Variants in DOCK9 observed in about 807,000 individuals in gnomAD.
DOCK9 encodes dedicator of cytokinesis 9, also known as dedicator of cytokinesis protein 9.
Under a neutral mutation model 263.3 loss-of-function variants are expected in DOCK9, and 89 were observed. That is an observed-to-expected ratio of 0.34 (90% CI 0.28 to 0.40). The LOEUF is 0.40. DOCK9 is among the 10% of genes least tolerant of loss of function. DOCK9 has a pLI of 1.00. For missense variants in DOCK9, 2,140 were observed against 2,603.4 expected, an observed-to-expected ratio of 0.82 and a Z score of 3.87; for synonymous variants, 976 against 973.1, an observed-to-expected ratio of 1.00 and a Z score of -0.06.
intron 38 of DOCK9, among the ~76,000 whole-genome samples, chr13:98,844,508 G>A (rs754274090): frequency 3.3e-5 from 5 of 152,138 alleles, no homozygotes; most frequent in Non-Finnish European, 5.9e-5. Context: ...GATTACATGT[G>A]TGTGCCAATA....
At chr13:98,992,234 G>C (rs1015592388) in intron 1 of DOCK9, among the ~76,000 whole-genome samples, 7 of 152,134 alleles carry the variant, frequency 4.6e-5, no homozygotes, top group African/African-American at 1.7e-4. Flanking sequence ...AAAAGGTGGT[G>C]GTTCCCAAAC....
At chr13:98,864,613 T>G (rs2093967219) in intron 30 of DOCK9, among the ~76,000 whole-genome samples, 1 of 152,236 alleles carries the variant, frequency 6.6e-6, no homozygotes, top group Non-Finnish European at 1.5e-5. Context: ...ATAGCTTGAG[T>G]TCACATGTCT....
intron 2 of DOCK9, among the ~76,000 whole-genome samples, chr13:98,933,853 T>C (rs563568127): frequency 3.3e-5 from 5 of 150,472 alleles, no homozygotes; most frequent in African/African-American, 1.2e-4. Context: ...TGATCAGTTA[T>C]AAACCTAGCC....
intron 2 of DOCK9, among the ~76,000 whole-genome samples, chr13:98,934,344 C>T (rs1350975595): frequency 6.6e-6 from 1 of 152,102 alleles, no homozygotes; most frequent in African/African-American, 2.4e-5. Flanking sequence ...TACAAGATGC[C>T]CCACCATCTC....
intron 45 of DOCK9, among the ~76,000 whole-genome samples, chr13:98,818,694 A>G (rs1347011949): frequency 6.6e-6 from 1 of 152,058 alleles, no homozygotes; most frequent in Admixed American, 6.5e-5. Context: ...GCCTAGACTT[A>G]AAAGGAACTC....
At chr13:98,883,923 A>G (rs1374061203) in intron 21 of DOCK9, 24 bp from the exon 22 acceptor site, 1 of 1,527,144 alleles carries the variant, frequency 6.5e-7, no homozygotes, top group Non-Finnish European at 9.0e-7. Flanking sequence ...GGAAGAAACA[A>G]TATCCCTACA....
chr13:99,026,914 T>A (rs950013021), intron 1 of DOCK9, among the ~76,000 whole-genome samples: 5 of 152,332 alleles, frequency 3.3e-5, no homozygotes, highest in Admixed American at 6.5e-5. Flanking sequence ...AACAGAGTAC[T>A]CTAGCAGAGT....
chr13:98,934,788 T>C (rs530382985), intron 2 of DOCK9, among the ~76,000 whole-genome samples: 9 of 152,346 alleles, frequency 5.9e-5, no homozygotes, highest in African/African-American at 1.4e-4. Flanking sequence ...GAGTAGTTTG[T>C]AGTGTCTTAG....
At chr13:98,936,564 G>A (rs1375033698) in intron 2 of DOCK9, among the ~76,000 whole-genome samples, 1 of 151,216 alleles carries the variant, frequency 6.6e-6, no homozygotes, top group Non-Finnish European at 1.5e-5. Flanking sequence ...AGGCTGCAGT[G>A]AGCTGTGACT....
intron 1 of DOCK9, among the ~76,000 whole-genome samples, chr13:99,042,006 T>C (rs1163583763): frequency 1.3e-5 from 2 of 152,192 alleles, no homozygotes; most frequent in Non-Finnish European, 2.9e-5. Flanking sequence ...TTCTGCTGTT[T>C]TCAGCCACCA....
At chr13:98,885,671 A>G in intron 20 of DOCK9, 37 bp downstream of exon 20, 6 of 1,568,210 alleles carry the variant, frequency 3.8e-6, no homozygotes, top group Non-Finnish European at 4.3e-6. Flanking sequence ...TAATGTTTCA[A>G]TTATTTAAAA....
intron 1 of DOCK9, among the ~76,000 whole-genome samples, chr13:99,008,376 G>C (rs936871943): frequency 6.6e-6 from 1 of 151,730 alleles, no homozygotes; most frequent in Non-Finnish European, 1.5e-5. Flanking sequence ...TGGGATTATA[G>C]GTGCCTGCCA....
intron 19 of DOCK9, 22 bp from the exon 20 acceptor site, chr13:98,885,853 C>A (rs1294300490): frequency 3.8e-6 from 6 of 1,585,966 alleles, no homozygotes; most frequent in Non-Finnish European, 5.1e-6. Flanking sequence ...GACAAAATAA[C>A]AACAAAATAT....
At chr13:98,854,934 AAATCCCTAAATGGCTC>A (rs147327821) in intron 34 of DOCK9, among the ~76,000 whole-genome samples, 26,580 of 152,122 alleles carry the variant, frequency 0.17, 3,246 homozygotes, top group East Asian at 0.43. Flanking sequence ...AACTAGGGAT[AAATCCCTAAATGGCTC>A]AGCTGTTTAT....
At chr13:99,071,000 C>T (rs953082818) in intron 1 of DOCK9, among the ~76,000 whole-genome samples, 3 of 152,024 alleles carry the variant, frequency 2.0e-5, no homozygotes, top group Admixed American at 6.6e-5. Context: ...TCTTGAACAA[C>T]GCAGGAGCTA....
intron 1 of DOCK9, among the ~76,000 whole-genome samples, chr13:99,025,641 G>A (rs973029578): frequency 2.4e-4 from 37 of 152,186 alleles, no homozygotes; most frequent in African/African-American, 8.7e-4. Context: ...AAAATAGTCT[G>A]GCTGTTCTTC....
At position 98,823,127 on chromosome 13, in the gene DOCK9, T is replaced by G. The variant is rs145159281; in HGVS notation, c.5130+1271A>C. Among the ~76,000 whole-genome samples the G allele has an allele frequency of 6.8e-3, 998 of 146,876 alleles. 10 individuals carry two copies. Among genetic ancestry groups the G allele is most frequent in the Non-Finnish European group, 0.012 (789 of 65,704 alleles). On this transcript the variant is annotated intron_variant, in intron 45 of 52. Coordinates refer to ENST00000682017, the MANE Select transcript of DOCK9 (RefSeq NM_001366683.2). ...TTTGTAAATAAAAAAGGATATTTTT[T>G]CCAAAAAAAAAAAGAGTGAAGAGTA... is the stretch of plus-strand genomic sequence containing the variant.
chr13:98,980,701 G>A (rs1876980763), upstream of DOCK9, among the ~76,000 whole-genome samples: 1 of 152,162 alleles, frequency 6.6e-6, no homozygotes, highest in Non-Finnish European at 1.5e-5. Context: ...GGCTTTTGCT[G>A]TGTGATCTAA....
rs1231962859 is a variant in DOCK9 at position 98,914,353 on chromosome 13, T to G, written c.935A>C (p.Asp312Ala). The change falls in exon 9 of 53, where the codon GAT (aspartate) becomes GCT (alanine). Residue 312 changes from aspartate (D) to alanine (A), a missense_variant. Coordinates refer to ENST00000682017, the MANE Select transcript of DOCK9 (RefSeq NM_001366683.2). ...SKLEGSGSGL[D>A]SYLPELAKSA... ...CTTGGCAAGTTCCGGCAGGTAGCTATCTAAACCGGAACCAGAACCTTCCAA... is the reference window on the plus strand; with the variant it reads ...CTTGGCAAGTTCCGGCAGGTAGCTAGCTAAACCGGAACCAGAACCTTCCAA... 1 of 1,610,354 alleles carries G rather than the reference T, an allele frequency of 6.2e-7. No individual in the cohort carries two copies. The highest frequency in any genetic ancestry group is 8.5e-7 in the Non-Finnish European group (1 of 1,178,476).
Sources: allele counts gnomAD v4.1 joint callset (sites outside exome capture counted in the v4.1 genomes callset), GRCh38; gene constraint gnomAD v4.1.1; transcripts MANE v1.5; gene names NCBI Gene and HGNC (gene_info 2026-07-23, HGNC 2026-07-21).